CFAP20DC: variants seen among roughly 807,000 people sequenced by gnomAD.
CFAP20DC encodes the protein CFAP20 domain containing.
CFAP20DC carries 84 observed loss-of-function variants against 101.7 expected under a neutral mutation model. That is an observed-to-expected ratio of 0.83 (90% CI 0.69 to 0.99). CFAP20DC has a LOEUF of 0.99. Ranked by LOEUF, CFAP20DC falls within the 50% of genes least tolerant of loss-of-function variation. The pLI, the probability that CFAP20DC is intolerant of heterozygous loss-of-function variation, is 0.00. For synonymous variants in CFAP20DC, 359 were observed against 351.2 expected, an observed-to-expected ratio of 1.02 and a Z score of -0.25; for missense variants, 1,007 against 970.3, an observed-to-expected ratio of 1.04 and a Z score of -0.50.
chr3:58,962,174 C>T (rs2091195454), intron 4 of CFAP20DC, among the ~76,000 whole-genome samples: 1 of 152,152 alleles, frequency 6.6e-6, no homozygotes, highest in Non-Finnish European at 1.5e-5. Context: ...CCTTTAACCA[C>T]TACTTTGGCT....
Position 58,913,223 on chromosome 3 carries a change from A to T in CFAP20DC, c.550+485T>A, listed in dbSNP as rs1324575571. ...CCCAGCATTATGATGTGACTTATGGAGTCTCTGTATAGTTGCAGTAGCTAC... is the reference window on the plus strand; with the variant it reads ...CCCAGCATTATGATGTGACTTATGGTGTCTCTGTATAGTTGCAGTAGCTAC... On this transcript the variant is annotated intron_variant, in intron 6 of 16. Coordinates refer to ENST00000482387, the MANE Select transcript of CFAP20DC (RefSeq NM_001394063.1). The surrounding 1 kb of genome is among the most constrained non-coding windows in gnomAD (Gnocchi z 4.4). 1.3e-5 allele frequency among the ~76,000 whole-genome samples: 2 copies of T among 152,148 alleles called. No individual in the cohort carries two copies. Among genetic ancestry groups the T allele is most frequent in the African/African-American group, 2.4e-5 (1 of 41,436 alleles).
chr3:58,774,975 T>A (rs963694085), intron 15 of CFAP20DC, among the ~76,000 whole-genome samples: 3 of 152,210 alleles, frequency 2.0e-5, no homozygotes, highest in African/African-American at 7.2e-5. Flanking sequence ...AAATAAATAC[T>A]TGCTAACTAT....
At chr3:58,904,288 AAAT>A (rs2083407792) in intron 6 of CFAP20DC, among the ~76,000 whole-genome samples, 1 of 151,960 alleles carries the variant, frequency 6.6e-6, no homozygotes, top group Admixed American at 6.5e-5. Context: ...GTTCTATTAT[AAAT>A]AATATTTTAT....
chr3:58,747,123 C>A (rs907510401), intron 16 of CFAP20DC, among the ~76,000 whole-genome samples: 1 of 152,302 alleles, frequency 6.6e-6, no homozygotes, highest in African/African-American at 2.4e-5. Context: ...TGCTACTAGA[C>A]TAAGAGCATC....
At chr3:58,754,582 A>G (rs1164799138) in intron 15 of CFAP20DC, among the ~76,000 whole-genome samples, 1 of 152,140 alleles carries the variant, frequency 6.6e-6, no homozygotes, top group East Asian at 1.9e-4. Flanking sequence ...GGAGGATGTA[A>G]AAGATTTTCC....
At chr3:58,807,364 T>C (rs557391776) in intron 14 of CFAP20DC, among the ~76,000 whole-genome samples, 3 of 152,064 alleles carry the variant, frequency 2.0e-5, no homozygotes, top group Non-Finnish European at 4.4e-5. Flanking sequence ...TCCTCTGAGA[T>C]AAAACTTCCA....
chr3:58,809,175 T>C (rs545877655), intron 14 of CFAP20DC, among the ~76,000 whole-genome samples: 27 of 152,190 alleles, frequency 1.8e-4, no homozygotes, highest in African/African-American at 5.3e-4. Flanking sequence ...TACCCAGGAA[T>C]TGAACTCAGC....
At chr3:58,877,650 T>C (rs1340736102) in intron 7 of CFAP20DC, among the ~76,000 whole-genome samples, 1 of 152,186 alleles carries the variant, frequency 6.6e-6, no homozygotes, top group Non-Finnish European at 1.5e-5. Context: ...GTGTTTTAAA[T>C]TACATATGAT....
intron 4 of CFAP20DC, among the ~76,000 whole-genome samples, 151 bp from the exon 5 acceptor site, chr3:58,937,913 GAAGT>G (rs1442921133): frequency 3.9e-5 from 6 of 152,088 alleles, no homozygotes; most frequent in East Asian, 1.9e-4. Context: ...TTTCTTTCAA[GAAGT>G]AATAAAATTT....
At position 58,837,124 on chromosome 3, in the gene CFAP20DC, T is replaced by C. The variant is rs145936898; in HGVS notation, c.1972-5235A>G. ...ACTGTTTCAGCAATGAAGCCAGTAA[T>C]ACCGTTCCAAAGCATCAAGGATAAG... On this transcript the variant is annotated intron_variant, in intron 13 of 16. Transcript: ENST00000482387. Among the ~76,000 whole-genome samples the C allele has an allele frequency of 4.6e-5, 7 of 152,310 alleles. No homozygotes were observed. In the East Asian group the frequency reaches 1.3e-3, roughly 29 times the overall value.
At position 58,871,397 on chromosome 3, in the gene CFAP20DC, A is replaced by G. The variant is rs2080200358; in HGVS notation, c.716-1088T>C. Reference sequence around the variant, plus strand: ...GAAGGTTTTAGAGAGAAAGAGAGCAAAACAGTGTCACCTTCAGGATAGGGC... The same window carrying G: ...GAAGGTTTTAGAGAGAAAGAGAGCAGAACAGTGTCACCTTCAGGATAGGGC... On this transcript the variant is annotated intron_variant, in intron 7 of 16. Coordinates refer to ENST00000482387, the MANE Select transcript of CFAP20DC (RefSeq NM_001394063.1). Among the ~76,000 whole-genome samples the G allele has an allele frequency of 3.3e-5, 5 of 152,178 alleles. No individual in the cohort carries two copies. The South Asian group carries it at 1.0e-3, about 32-fold the overall frequency.
intron 15 of CFAP20DC, among the ~76,000 whole-genome samples, chr3:58,766,038 A>T (rs914636342): frequency 2.0e-5 from 3 of 152,204 alleles, no homozygotes; most frequent in Admixed American, 1.3e-4. Flanking sequence ...CAAATAAAGA[A>T]CTTATGCATC....
intron 16 of CFAP20DC, among the ~76,000 whole-genome samples, chr3:58,750,387 A>G (rs916902407): frequency 6.6e-6 from 1 of 152,198 alleles, no homozygotes; most frequent in African/African-American, 2.4e-5. Context: ...CAATGTAACC[A>G]TGTGGAAGAT....
At chr3:58,857,686 T>C (rs1435492110) in intron 12 of CFAP20DC, among the ~76,000 whole-genome samples, 1 of 152,160 alleles carries the variant, frequency 6.6e-6, no homozygotes, top group Admixed American at 6.5e-5. Flanking sequence ...GAAACTGGGA[T>C]GAATGAGAAA....
At chr3:58,773,419 A>C (rs1023600073) in intron 15 of CFAP20DC, among the ~76,000 whole-genome samples, 13 of 151,452 alleles carry the variant, frequency 8.6e-5, no homozygotes, top group Non-Finnish European at 1.8e-4. Flanking sequence ...GAAAAAGAAA[A>C]AAAAGTAGTC....
chr3:58,782,966 A>AAAAAC (rs1288053276), intron 15 of CFAP20DC, among the ~76,000 whole-genome samples: 113 of 152,122 alleles, frequency 7.4e-4, no homozygotes, highest in Non-Finnish European at 4.9e-4. Flanking sequence ...ATTTTGAGCA[A>AAAAAC]AAAACAAAAC....
chr3:58,877,263 G>A (rs1347068435), intron 7 of CFAP20DC, among the ~76,000 whole-genome samples: 2 of 152,206 alleles, frequency 1.3e-5, no homozygotes, highest in South Asian at 2.1e-4. Context: ...AGGGAGTAAG[G>A]TGGACACAGC....
intron 12 of CFAP20DC, among the ~76,000 whole-genome samples, chr3:58,856,506 T>C (rs1437794210): frequency 1.3e-5 from 2 of 152,200 alleles, no homozygotes; most frequent in East Asian, 3.9e-4. Flanking sequence ...CCCTCTCTGC[T>C]GTAGGCCACT....
At chr3:58,974,513 G>C (rs1320243248) in intron 4 of CFAP20DC, among the ~76,000 whole-genome samples, 1 of 152,098 alleles carries the variant, frequency 6.6e-6, no homozygotes, top group African/African-American at 2.4e-5. Context: ...GAGTGCACCT[G>C]ATAGCATAAT....
Sources: allele counts gnomAD v4.1 joint callset (sites outside exome capture counted in the v4.1 genomes callset), GRCh38; gene constraint gnomAD v4.1.1; non-coding constraint Gnocchi (gnomAD v3.1); transcripts MANE v1.5; gene names NCBI Gene and HGNC (gene_info 2026-07-23, HGNC 2026-07-21).